The following PRKCG variants were observed in gnomAD, a reference collection of about 807,000 sequenced individuals.
The protein encoded by PRKCG is protein kinase C gamma type.
PRKCG carries 28 observed loss-of-function variants against 82.0 expected under a neutral mutation model. The observed-to-expected ratio is 0.34, with a 90% CI of 0.25 to 0.47. The LOEUF is 0.47. Among genes scored for constraint, PRKCG ranks in the 20% least tolerant of loss-of-function variants. PRKCG has a pLI of 1.00. For missense variants in PRKCG, 640 were observed against 952.7 expected (o/e 0.67, Z 4.32); for synonymous variants, 383 against 376.6 (o/e 1.02, Z -0.20).
chr19:53,893,251 A>G, intron 8 of PRKCG, 111 bp from the exon 9 acceptor site: 1 of 1,354,458 alleles, frequency 7.4e-7, no homozygotes, highest in Non-Finnish European at 1.1e-6. Flanking sequence ...GATGGGAATT[A>G]TAGTTCCTAT....
rs772190032 is a variant in PRKCG, at chr19:53,893,091, C to T, written c.909+16C>T. On this transcript the variant is annotated intron_variant, in intron 8 of 17. Transcript: ENST00000263431. ...GAAGTTTGAGGTACCCAGACCCTGG[C>T]TTCCTCAAGGGAGCCCAGCCCAGCC... 6.2e-7 allele frequency: 1 copy of T among 1,610,114 alleles called. No homozygotes were observed. The highest frequency in any genetic ancestry group is 8.5e-7 in the Non-Finnish European group (1 of 1,177,136).
chr19:53,898,468 A>T lies in PRKCG; in HGVS notation c.1121A>T (p.Asp374Val), dbSNP rs768973808. The change falls in exon 11 of 18, where the codon GAT becomes GTT. Residue 374 changes from aspartate (D) to valine (V), a missense_variant. Physicochemically the swap from Asp to Val is radical, Grantham distance 152. Around this residue, in one of 7 missense-constraint regions of PRKCG, gnomAD observed 22 missense variants for 59.0 expected, o/e 0.37. Coordinates refer to ENST00000263431, the MANE Select transcript of PRKCG (RefSeq NM_002739.5). ...KVMLAERRGS[D>V]ELYAIKILKK... ...ATGCTGGCCGAGCGCAGGGGCTCTG[A>T]TGAGCTCTACGCCATCAAGATCTTG... The T allele has an allele frequency of 3.3e-5, 54 of 1,613,742 alleles. No individual in the cohort carries two copies. Among genetic ancestry groups the T allele is most frequent in the Non-Finnish European group, 8.5e-7 (1 of 1,180,012 alleles).
chr19:53,900,474 A>G lies in PRKCG; in HGVS notation c.1429A>G (p.Ile477Val), dbSNP rs756534989. ...GLFFLHNQGI[I>V]YRDLKLDNVM... ...CTTCTTCCTTCACAATCAGGGCATC[A>G]TCTACAGGTGAGCAGCCCCAGGAAT... Residue 477 changes from isoleucine (I) to valine (V), a missense_variant, in exon 13 of 18, where the codon ATC becomes GTC. Around this residue, in one of 7 missense-constraint regions of PRKCG, gnomAD observed 78 missense variants for 105.6 expected, o/e 0.74. Coordinates refer to ENST00000263431, the MANE Select transcript of PRKCG (RefSeq NM_002739.5). The surrounding 1 kb of genome is among the most constrained non-coding windows in gnomAD (Gnocchi z 4.2). The G allele has an allele frequency of 6.2e-7, 1 of 1,614,156 alleles. No individual in the cohort carries two copies. Among genetic ancestry groups the G allele is most frequent in the Admixed American group, 1.7e-5 (1 of 60,020 alleles).
rs914267105 is a variant in PRKCG, at chr19:53,883,520, GC to G, written c.202+335del. ...AGGGGGCTGGAGATGCAAAGTCAGA[GC>G]CCCCCCCCACCCCAGGCTGCCGTCG... is the stretch of plus-strand genomic sequence containing the variant. On this transcript the variant is annotated intron_variant, in intron 2 of 17. Transcript: ENST00000263431. This position sits in a 1 kb window ranked among gnomAD's most constrained non-coding sequence, Gnocchi z 5.4. Among the ~76,000 whole-genome samples, 872 of 150,108 alleles carry G rather than the reference GC, an allele frequency of 5.8e-3. 6 individuals are homozygous for G. Among genetic ancestry groups the G allele is most frequent in the African/African-American group, 0.02 (808 of 40,744 alleles).
At chr19:53,902,952 G>C in intron 14 of PRKCG, 121 bp from the exon 15 acceptor site, 1 of 602,174 alleles carries the variant, frequency 1.7e-6, no homozygotes, top group Non-Finnish European at 3.2e-6. Flanking sequence ...TAAATATTCA[G>C]AGTGGGAAGA....
chr19:53,893,756 ATTTATT>A (rs577672346), intron 9 of PRKCG, among the ~76,000 whole-genome samples: 2,590 of 151,058 alleles, frequency 0.017, 69 homozygotes, highest in African/African-American at 0.058. Context: ...AAATTTTTTA[ATTTATT>A]TTTATTTTTA....
chr19:53,882,691 G>A lies in PRKCG; in HGVS notation c.170+27G>A, dbSNP rs780474495. 1.2e-6 allele frequency: 2 copies of A among 1,604,264 alleles called. No individual in the cohort carries two copies. Among genetic ancestry groups the A allele is most frequent in the Non-Finnish European group, 1.7e-6 (2 of 1,174,412 alleles). On this transcript the variant is annotated intron_variant, in intron 1 of 17. Coordinates refer to ENST00000263431, the MANE Select transcript of PRKCG (RefSeq NM_002739.5). This position sits in a 1 kb window ranked among gnomAD's most constrained non-coding sequence, Gnocchi z 6.1. ...TGAGGGAAGGGGGCTGGGGGACTGG[G>A]GGACGAGGGGACTAGGGGTGCAGAC...
Position 53,906,979 on chromosome 19 carries a change from CCT to C in PRKCG, c.*85_*86del, listed in dbSNP as rs754008461. On this transcript the variant is annotated 3_prime_UTR_variant, in exon 18 of 18. Transcript: ENST00000263431. ...CACTTCACCCCCAACTTCACCACCC[CCT>C]GTCCCATTCTAGATCCTGCACCCCA... The C allele has an allele frequency of 3.1e-6, 5 of 1,592,568 alleles. No homozygotes were observed. The highest frequency in any genetic ancestry group is 2.2e-5 in the South Asian group (2 of 89,096).
At chr19:53,898,180 G>A (rs2123009506) in intron 10 of PRKCG, 69 bp downstream of exon 10, 1 of 1,579,010 alleles carries the variant, frequency 6.3e-7, no homozygotes, top group Middle Eastern at 1.7e-4. Context: ...GGTTCTTAGG[G>A]AGGAAGTGGG....
intron 9 of PRKCG, among the ~76,000 whole-genome samples, chr19:53,896,891 G>C (rs2068722130): frequency 6.6e-6 from 1 of 152,218 alleles, no homozygotes; most frequent in African/African-American, 2.4e-5. Flanking sequence ...GGTGACCAAG[G>C]GGTGGTAAGA....
At chr19:53,891,070 G>A (rs2068671710) in intron 5 of PRKCG, among the ~76,000 whole-genome samples, 1 of 151,884 alleles carries the variant, frequency 6.6e-6, no homozygotes, top group African/African-American at 2.4e-5. Context: ...TGGGTATAAG[G>A]ATCTTGAGAA....
chr19:53,896,046 C>T (rs1323416217), intron 9 of PRKCG, among the ~76,000 whole-genome samples: 1 of 143,170 alleles, frequency 7.0e-6, no homozygotes, highest in Non-Finnish European at 1.5e-5. Context: ...GGTGACAGAG[C>T]GAGACTCTAT....
In PRKCG at chr19:53,889,157, T is replaced by G. The variant is rs2068652820; in HGVS notation, c.286-481T>G. Among the ~76,000 whole-genome samples, 2 of 152,150 alleles carry G rather than the reference T, an allele frequency of 1.3e-5. No individual in the cohort carries two copies. The highest frequency in any genetic ancestry group is 4.1e-4 in the South Asian group (2 of 4,832). On this transcript the variant is annotated intron_variant, in intron 3 of 17. Coordinates refer to ENST00000263431, the MANE Select transcript of PRKCG (RefSeq NM_002739.5). This position sits in a 1 kb window ranked among gnomAD's most constrained non-coding sequence, Gnocchi z 4.4. Reference sequence around the variant, plus strand: ...TAGTAGAGACAGAGTTTTGCCATGTTGCCTAGCCTGGTCCGGAACTCCTGA... The same window carrying G: ...TAGTAGAGACAGAGTTTTGCCATGTGGCCTAGCCTGGTCCGGAACTCCTGA...
chr19:53,903,158 G>C lies in PRKCG; in HGVS notation c.1656+5G>C, dbSNP rs778835749. ...TATGAGATGTTGGCAGGACAGGTAA[G>C]GGAAGGTGGGGAGAAGCTGGCTTGG... On this transcript the variant is annotated splice_donor_5th_base_variant and intron_variant, in intron 15 of 17. Coordinates refer to ENST00000263431, the MANE Select transcript of PRKCG (RefSeq NM_002739.5). 1 of 1,611,920 alleles carries C rather than the reference G, an allele frequency of 6.2e-7. No individual in the cohort carries two copies. The highest frequency in any genetic ancestry group is 8.5e-7 in the Non-Finnish European group (1 of 1,177,976).
chr19:53,885,134 A>G (rs960516144), intron 3 of PRKCG, among the ~76,000 whole-genome samples: 7 of 152,262 alleles, frequency 4.6e-5, no homozygotes, highest in Non-Finnish European at 8.8e-5. Flanking sequence ...GGCAGCCACC[A>G]GCTCCATGTA....
chr19:53,893,592 C>T, intron 9 of PRKCG: 2 of 706,968 alleles, frequency 2.8e-6, no homozygotes, highest in Admixed American at 4.1e-5. Context: ...GGGACACAGT[C>T]ACAGATACTT....
chr19:53,885,519 C>T lies in PRKCG; in HGVS notation c.285+1276C>T, dbSNP rs571628403. 6.9e-4 allele frequency among the ~76,000 whole-genome samples: 105 copies of T among 152,244 alleles called. 1 individual carries two copies. Among genetic ancestry groups the T allele is most frequent in the Non-Finnish European group, 1.2e-3 (81 of 68,006 alleles). ...TGTTGGGATTACAGGCGTGAGCCAC[C>T]GCGCCCGGCAGAACTGACTTAAATT... is the stretch of plus-strand genomic sequence containing the variant. On this transcript the variant is annotated intron_variant, in intron 3 of 17. Transcript: ENST00000263431.
At chr19:53,904,558 G>C in intron 15 of PRKCG, 77 bp from the exon 16 acceptor site, 3 of 1,263,012 alleles carry the variant, frequency 2.4e-6, no homozygotes, top group Non-Finnish European at 3.4e-6. Flanking sequence ...GTTCCCGGTG[G>C]GGTGAGGAGG....
At chr19:53,903,196 G>C in intron 15 of PRKCG, 43 bp downstream of exon 15, 1 of 1,503,976 alleles carries the variant, frequency 6.6e-7, no homozygotes, top group East Asian at 2.3e-5. Flanking sequence ...AAAAGAGACA[G>C]AGAGGGGCAC....
Sources: allele counts gnomAD v4.1 joint callset (sites outside exome capture counted in the v4.1 genomes callset), GRCh38; gene constraint gnomAD v4.1.1; regional missense constraint gnomAD v4.1.1; non-coding constraint Gnocchi (gnomAD v3.1); transcripts MANE v1.5; gene names NCBI Gene and HGNC (gene_info 2026-07-23, HGNC 2026-07-21).